Variants in FNIP2 observed in about 807,000 individuals in gnomAD.
FNIP2 encodes the protein folliculin interacting protein 2, also known as folliculin-interacting protein 2.
In FNIP2, 32 loss-of-function variants were observed where a neutral mutation model predicts 108.7. The observed-to-expected ratio is 0.29, with a 90% CI of 0.22 to 0.40. The LOEUF is 0.40. FNIP2 is among the 10% of genes least tolerant of loss of function. The pLI, the probability that FNIP2 is intolerant of heterozygous loss-of-function variation, is 1.00. For synonymous variants in FNIP2, 480 were observed against 496.7 expected (o/e 0.97, Z 0.45); for missense variants, 1,202 against 1,381.6 (o/e 0.87, Z 2.06).
At chr4:158,897,309 C>T (rs551891964) in intron 16 of FNIP2, among the ~76,000 whole-genome samples, 73 of 152,204 alleles carry the variant, frequency 4.8e-4, no homozygotes, top group Middle Eastern at 3.4e-3. Context: ...CATACATGTG[C>T]GTGTGTCTTT....
At position 158,830,763 on chromosome 4, in the gene FNIP2, G is replaced by A. The variant is rs545895310; in HGVS notation, c.382-1098G>A. Reference sequence around the variant, plus strand: ...TGACAGAGAATATAGTTGGCAGGTCGGGGTGCAGAACCATGGTTGCTTTGG... The same window carrying A: ...TGACAGAGAATATAGTTGGCAGGTCAGGGTGCAGAACCATGGTTGCTTTGG... On this transcript the variant is annotated intron_variant, in intron 3 of 16. Transcript: ENST00000264433. 4.6e-4 allele frequency among the ~76,000 whole-genome samples: 70 copies of A among 152,290 alleles called. 2 individuals carry two copies. In the South Asian group the frequency reaches 0.014, roughly 31 times the overall value.
chr4:158,860,315 A>AT (rs768043952), intron 10 of FNIP2, among the ~76,000 whole-genome samples: 3 of 152,294 alleles, frequency 2.0e-5, no homozygotes, highest in Non-Finnish European at 2.9e-5. Context: ...TAGAGGAAGG[A>AT]TAAAAAAAAA....
chr4:158,785,635 A>G (rs977279114), intron 1 of FNIP2, among the ~76,000 whole-genome samples: 1 of 151,606 alleles, frequency 6.6e-6, no homozygotes, highest in Non-Finnish European at 1.5e-5. Context: ...AGCCCTACCC[A>G]TGCTTCTTAA....
intron 1 of FNIP2, among the ~76,000 whole-genome samples, chr4:158,790,726 G>A (rs1051114954): frequency 3.3e-5 from 5 of 152,122 alleles, no homozygotes; most frequent in African/African-American, 1.2e-4. Context: ...CAGCCTGGGT[G>A]ACATAGTGAG....
chr4:158,871,527 G>GA, intron 14 of FNIP2: 1 of 985,180 alleles, frequency 1.0e-6, no homozygotes, highest in Non-Finnish European at 1.2e-6. Flanking sequence ...TGTGAAGTGG[G>GA]AAAAAAACTC....
intron 12 of FNIP2, among the ~76,000 whole-genome samples, chr4:158,863,116 G>C (rs1451120389): frequency 1.3e-5 from 2 of 152,170 alleles, no homozygotes; most frequent in East Asian, 1.9e-4. Flanking sequence ...ATCCATCAGG[G>C]GTCTGGCTAT....
intron 1 of FNIP2, among the ~76,000 whole-genome samples, chr4:158,783,506 G>C (rs35723165): frequency 0.29 from 43,824 of 152,106 alleles, 7,125 homozygotes; most frequent in Non-Finnish European, 0.38. Flanking sequence ...TTTATTACCT[G>C]TCTGTTCTGA....
chr4:158,860,444 A>G (rs1780216413), intron 10 of FNIP2, among the ~76,000 whole-genome samples: 1 of 152,178 alleles, frequency 6.6e-6, no homozygotes, highest in Admixed American at 6.5e-5. Flanking sequence ...ATTATGTGTT[A>G]AAGTACTCAA....
intron 1 of FNIP2, among the ~76,000 whole-genome samples, chr4:158,789,998 G>A (rs1056966489): frequency 2.6e-5 from 4 of 151,992 alleles, no homozygotes; most frequent in Non-Finnish European, 4.4e-5. Context: ...CACGTCAAGC[G>A]GGAAATTCCA....
intron 12 of FNIP2, among the ~76,000 whole-genome samples, chr4:158,864,349 C>G (rs1177919337): frequency 1.3e-5 from 2 of 151,970 alleles, no homozygotes; most frequent in African/African-American, 4.8e-5. Context: ...TTTAAATAAC[C>G]CACAAGCCAA....
At chr4:158,806,475 C>T in intron 1 of FNIP2, 1 of 1,191,562 alleles carries the variant, frequency 8.4e-7, no homozygotes, top group Non-Finnish European at 1.1e-6. Flanking sequence ...ATTTAATTTA[C>T]TGTGTAGTAA....
Position 158,907,206 on chromosome 4 carries a change from G to A in FNIP2, c.*2662G>A, listed in dbSNP as rs182397918. On this transcript the variant is annotated 3_prime_UTR_variant, in exon 17 of 17. Transcript: ENST00000264433. ...AGGTAATTGTGTACGTTTTAGACATGACAATGAAAATTTAAAATGTAGCTT... is the reference window on the plus strand; with the variant it reads ...AGGTAATTGTGTACGTTTTAGACATAACAATGAAAATTTAAAATGTAGCTT... 9.2e-5 allele frequency: 14 copies of A among 152,306 alleles called. No homozygotes were observed. Among genetic ancestry groups the A allele is most frequent in the Admixed American group, 3.3e-4 (5 of 15,302 alleles). The allele number at this position is 152,306 out of a possible 1,614,324, so 9.4% of individuals were successfully genotyped here. A position where few individuals can be genotyped will look rare whatever the true frequency, so the allele number is the denominator to read the frequency against.
chr4:158,810,885 G>A lies in FNIP2; in HGVS notation c.108-15031G>A, dbSNP rs141721845. ...GTTCTGCTCAGCTCTGTGCTGAAGCGGAATGCTGGCTGAACTGGTCCCCAC... is the reference window on the plus strand; with the variant it reads ...GTTCTGCTCAGCTCTGTGCTGAAGCAGAATGCTGGCTGAACTGGTCCCCAC... On this transcript the variant is annotated intron_variant, in intron 1 of 16. Coordinates refer to ENST00000264433, the MANE Select transcript of FNIP2 (RefSeq NM_020840.3). 4.7e-3 allele frequency among the ~76,000 whole-genome samples: 723 copies of A among 152,284 alleles called. 3 individuals carry two copies. In the Middle Eastern group the frequency reaches 0.051, roughly 11 times the overall value.
At chr4:158,859,431 G>A (rs1004477072) in intron 9 of FNIP2, 147 bp from the exon 10 acceptor site, 1 of 997,798 alleles carries the variant, frequency 1.0e-6, no homozygotes, top group Non-Finnish European at 1.5e-6. Flanking sequence ...TTACCTTAGG[G>A]AAGGAAATGA....
chr4:158,788,560 C>A (rs1433256517), intron 1 of FNIP2, among the ~76,000 whole-genome samples: 2 of 152,174 alleles, frequency 1.3e-5, no homozygotes, highest in African/African-American at 4.8e-5. Context: ...GGAAGTTTAA[C>A]CTAGGTTGCT....
At chr4:158,807,749 G>A (rs1471271468) in intron 1 of FNIP2, among the ~76,000 whole-genome samples, 1 of 152,208 alleles carries the variant, frequency 6.6e-6, no homozygotes, top group Non-Finnish European at 1.5e-5. Context: ...AAAATGGGAT[G>A]TAGTCCATTA....
chr4:158,836,536 T>A (rs546795544), intron 7 of FNIP2: 7 of 151,826 alleles, frequency 4.6e-5, no homozygotes, highest in Non-Finnish European at 5.9e-5. Context: ...GCACAGTGGC[T>A]CACCCCTGTA....
intron 14 of FNIP2, among the ~76,000 whole-genome samples, chr4:158,876,268 A>G (rs1001132849): frequency 2.1e-4 from 32 of 152,342 alleles, no homozygotes; most frequent in Admixed American, 7.8e-4. Flanking sequence ...CGCCTTGTGC[A>G]GTGCTGCAAG....
rs1448577938 is a variant in FNIP2 at position 158,904,983 on chromosome 4, C to G, written c.*439C>G. 6.4e-6 allele frequency: 1 copy of G among 155,898 alleles called. No individual in the cohort carries two copies. The highest frequency in any genetic ancestry group is 1.4e-5 in the Non-Finnish European group (1 of 70,230). 9.7% of individuals were successfully genotyped at this position (155,898 alleles called of 1,614,324 possible). On this transcript the variant is annotated 3_prime_UTR_variant, in exon 17 of 17. Transcript: ENST00000264433. ...CCCAAACTGGAGAAAACATATTTTG[C>G]TATTCTGAGACAACAATCAGAATAC...
Sources: gnomAD v4.1 joint callset for allele counts (sites outside exome capture counted in the v4.1 genomes callset) on GRCh38, gnomAD v4.1.1 for gene constraint, MANE v1.5 for transcripts, NCBI Gene and HGNC (gene_info 2026-07-23, HGNC 2026-07-21) for gene names.